SYN3: variants seen among roughly 807,000 people sequenced by gnomAD.
SYN3 encodes the protein synapsin-3.
SYN3 carries 35 observed loss-of-function variants against 65.8 expected under a neutral mutation model. That is an observed-to-expected ratio of 0.53 (90% CI 0.41 to 0.70). SYN3 has a LOEUF of 0.70. SYN3 is among the 30% of genes least tolerant of loss of function. SYN3 has a pLI of 0.00. For synonymous variants in SYN3, 270 were observed against 292.9 expected, an observed-to-expected ratio of 0.92 and a Z score of 0.80; for missense variants, 680 against 749.0, an observed-to-expected ratio of 0.91 and a Z score of 1.08.
chr22:32,866,275 A>T (rs996011969), intron 5 of SYN3, among the ~76,000 whole-genome samples: 1 of 152,232 alleles, frequency 6.6e-6, no homozygotes, highest in African/African-American at 2.4e-5. Context: ...AGTAACTAGG[A>T]ACTTTCTGCA....
intron 1 of SYN3, among the ~76,000 whole-genome samples, chr22:33,030,294 C>T (rs937899615): frequency 6.6e-6 from 1 of 152,198 alleles, no homozygotes; most frequent in Non-Finnish European, 1.5e-5. Flanking sequence ...TTCCTAGAGA[C>T]AAAGGGGACC....
intron 6 of SYN3, among the ~76,000 whole-genome samples, chr22:32,720,273 T>A (rs1009932967): frequency 1.3e-5 from 2 of 152,330 alleles, no homozygotes; most frequent in Middle Eastern, 3.4e-3. Flanking sequence ...TGGTCACAGA[T>A]TGCTCTGTTG....
At chr22:32,696,379 C>T (rs207477959) in intron 6 of SYN3, among the ~76,000 whole-genome samples, 1 of 152,210 alleles carries the variant, frequency 6.6e-6, no homozygotes, top group Admixed American at 6.5e-5. Flanking sequence ...ACCCACTCCT[C>T]TCTATTATGG....
At chr22:32,705,580 A>G (rs1219157422) in intron 6 of SYN3, among the ~76,000 whole-genome samples, 1 of 152,206 alleles carries the variant, frequency 6.6e-6, no homozygotes, top group African/African-American at 2.4e-5. Flanking sequence ...AGTTTTTTCT[A>G]GTTCTGTGAA....
At chr22:33,052,666 T>C (rs5998712) in intron 1 of SYN3, among the ~76,000 whole-genome samples, 14,224 of 151,522 alleles carry the variant, frequency 0.094, 2,037 homozygotes, top group African/African-American at 0.31. Context: ...GCTCCTCAAA[T>C]AGCTGAAGCA....
chr22:32,815,944 G>A (rs896897929), intron 6 of SYN3, among the ~76,000 whole-genome samples: 2 of 152,176 alleles, frequency 1.3e-5, no homozygotes, highest in Non-Finnish European at 2.9e-5. Context: ...GGATTTTTCT[G>A]CTCTTGAGTC....
At chr22:32,642,707 C>T (rs765615632) in intron 6 of SYN3, among the ~76,000 whole-genome samples, 2 of 152,054 alleles carry the variant, frequency 1.3e-5, no homozygotes, top group Non-Finnish European at 2.9e-5. Context: ...GGATTACAAG[C>T]GTGAGCCACC....
At chr22:32,597,580 A>G (rs570855863) in intron 6 of SYN3, among the ~76,000 whole-genome samples, 60 of 152,224 alleles carry the variant, frequency 3.9e-4, no homozygotes, top group African/African-American at 1.4e-3. Flanking sequence ...AAGCCTCCCC[A>G]GGCCACCATA....
At chr22:33,048,091 G>A (rs1322289682) in intron 1 of SYN3, among the ~76,000 whole-genome samples, 20 of 152,082 alleles carry the variant, frequency 1.3e-4, no homozygotes. Context: ...ACCAACACCT[G>A]GACACTAGTG....
At chr22:32,688,332 T>G (rs1446829199) in intron 6 of SYN3, among the ~76,000 whole-genome samples, 1 of 152,204 alleles carries the variant, frequency 6.6e-6, no homozygotes, top group Non-Finnish European at 1.5e-5. Flanking sequence ...TTCTACTGGC[T>G]GGGTGAACAG....
intron 7 of SYN3, among the ~76,000 whole-genome samples, chr22:32,566,812 T>TG (rs1209421552): frequency 6.6e-6 from 1 of 152,100 alleles, no homozygotes; most frequent in Non-Finnish European, 1.5e-5. Flanking sequence ...GAACATTCTT[T>TG]AGTGTTGAAA....
At chr22:32,802,255 GA>G in intron 6 of SYN3, 1 of 1,331,832 alleles carries the variant, frequency 7.5e-7, no homozygotes, top group South Asian at 1.5e-5. Flanking sequence ...GCGGAGTGGA[GA>G]AACTCGATGT....
At chr22:32,776,396 A>G (rs2045908730) in intron 6 of SYN3, among the ~76,000 whole-genome samples, 1 of 152,188 alleles carries the variant, frequency 6.6e-6, no homozygotes. Context: ...ATGAGGCAAT[A>G]AGATAGTCAT....
chr22:32,675,577 AGAGTAACACGTTTCTT>A (rs2060428797), intron 6 of SYN3, among the ~76,000 whole-genome samples: 2 of 152,116 alleles, frequency 1.3e-5, no homozygotes, highest in South Asian at 4.1e-4. Context: ...CCCCAGCCCC[AGAGTAACACGTTTCTT>A]CTCTTTCACC....
intron 12 of SYN3, among the ~76,000 whole-genome samples, chr22:32,525,667 C>T (rs1011786817): frequency 6.7e-6 from 1 of 148,278 alleles, no homozygotes; most frequent in Non-Finnish European, 1.5e-5. Flanking sequence ...GCGGAGATCA[C>T]GCCATAGCAC....
intron 3 of SYN3, among the ~76,000 whole-genome samples, chr22:32,967,051 ACT>A (rs1342201944): frequency 6.6e-6 from 1 of 152,208 alleles, no homozygotes; most frequent in African/African-American, 2.4e-5. Context: ...GAATGGGGGA[ACT>A]CATAGTACCT....
chr22:32,730,093 C>T (rs77323849), intron 6 of SYN3, among the ~76,000 whole-genome samples: 6,259 of 152,188 alleles, frequency 0.041, 196 homozygotes, highest in Non-Finnish European at 0.057. Context: ...TAATAATAGC[C>T]CTTGAGATCA....
chr22:32,591,658 CA>C (rs1225799639), intron 7 of SYN3, among the ~76,000 whole-genome samples: 1 of 152,110 alleles, frequency 6.6e-6, no homozygotes, highest in Non-Finnish European at 1.5e-5. Context: ...GTAAAATCTC[CA>C]AAAAAGGAAA....
chr22:32,661,511 CT>C (rs1198422570), intron 6 of SYN3, among the ~76,000 whole-genome samples: 2 of 152,220 alleles, frequency 1.3e-5, no homozygotes, highest in African/African-American at 2.4e-5. Context: ...TACTTACTTT[CT>C]TTTTTTTCTT....
Sources: gnomAD v4.1 joint callset for allele counts (sites outside exome capture counted in the v4.1 genomes callset) on GRCh38, gnomAD v4.1.1 for gene constraint, MANE v1.5 for transcripts, NCBI Gene and HGNC (gene_info 2026-07-23, HGNC 2026-07-21) for gene names.